Variants in SDK1 observed in about 807,000 individuals in gnomAD.
SDK1 encodes the protein protein sidekick-1.
In SDK1, 157 loss-of-function variants were observed where a neutral mutation model predicts 245.5. The observed-to-expected ratio is 0.64, with a 90% CI of 0.56 to 0.73. The LOEUF is 0.73. Ranked by LOEUF, SDK1 falls within the 30% of genes least tolerant of loss-of-function variation. The probability of loss-of-function intolerance (pLI) is 0.00; values close to 1 mark genes in which losing one functional copy is unlikely to be tolerated. For synonymous variants in SDK1, 1,647 were observed against 1,278.5 expected (o/e 1.29, Z -6.15); for missense variants, 3,583 against 3,002.3 (o/e 1.19, Z -4.52).
intron 1 of SDK1, among the ~76,000 whole-genome samples, chr7:3,403,945 A>G (rs1778981954): frequency 6.8e-6 from 1 of 146,504 alleles, no homozygotes; most frequent in Non-Finnish European, 1.5e-5. Flanking sequence ...ATTGCAGGTT[A>G]GGGTCCAGAC....
At chr7:4,254,406 A>G (rs1189429012) in intron 44 of SDK1, among the ~76,000 whole-genome samples, 2 of 152,202 alleles carry the variant, frequency 1.3e-5, no homozygotes, top group Admixed American at 6.5e-5. Context: ...TATTGAGCCT[A>G]TCTAATGAAT....
intron 1 of SDK1, among the ~76,000 whole-genome samples, chr7:3,425,075 G>A (rs1266298134): frequency 6.7e-6 from 1 of 150,206 alleles, no homozygotes; most frequent in South Asian, 2.1e-4. Context: ...AAATCTTGAG[G>A]CCTATGTTTT....
At chr7:4,065,716 T>TGG (rs1562755620) in intron 19 of SDK1, among the ~76,000 whole-genome samples, 14 of 105,800 alleles carry the variant, frequency 1.3e-4, no homozygotes, top group African/African-American at 7.5e-4. Flanking sequence ...TTTTTTTTTT[T>TGG]TTTTTTTTTT....
intron 1 of SDK1, among the ~76,000 whole-genome samples, chr7:3,367,501 G>A (rs1225266820): frequency 1.3e-5 from 2 of 152,134 alleles, no homozygotes; most frequent in East Asian, 3.8e-4. Flanking sequence ...GCCATTCCCG[G>A]CATTTCATCT....
chr7:3,336,723 C>T (rs1320722171), intron 1 of SDK1, among the ~76,000 whole-genome samples: 1 of 152,074 alleles, frequency 6.6e-6, no homozygotes, highest in East Asian at 1.9e-4. Context: ...GGTAGCTTGG[C>T]CCAGAGGGTA....
At chr7:3,563,871 T>C (rs1213490909) in intron 1 of SDK1, among the ~76,000 whole-genome samples, 6 of 151,944 alleles carry the variant, frequency 3.9e-5, no homozygotes, top group South Asian at 2.1e-4. Flanking sequence ...TGCAATAAAA[T>C]AAGAAATTAC....
At chr7:4,120,942 A>C (rs1162587463) in intron 25 of SDK1, among the ~76,000 whole-genome samples, 6 of 151,676 alleles carry the variant, frequency 4.0e-5, no homozygotes, top group East Asian at 1.9e-4. Context: ...AAAAAAAAAA[A>C]AAGAAAGAAA....
chr7:3,480,074 A>G (rs1174713345), intron 1 of SDK1, among the ~76,000 whole-genome samples: 1 of 152,192 alleles, frequency 6.6e-6, no homozygotes, highest in Non-Finnish European at 1.5e-5. Flanking sequence ...GCAAAGGGGA[A>G]TTAAGATAGC....
At chr7:3,611,138 A>G (rs963669339) in intron 1 of SDK1, among the ~76,000 whole-genome samples, 6 of 152,130 alleles carry the variant, frequency 3.9e-5, no homozygotes, top group Non-Finnish European at 8.8e-5. Flanking sequence ...TTGGGTGGGT[A>G]ATTTATTTAT....
At chr7:4,094,228 A>T (rs1408862897) in intron 22 of SDK1, among the ~76,000 whole-genome samples, 2 of 151,976 alleles carry the variant, frequency 1.3e-5, no homozygotes, top group Non-Finnish European at 2.9e-5. Flanking sequence ...CACCCAGCTA[A>T]TTTTTGTATT....
rs1780679254 is a variant in SDK1 at position 3,861,046 on chromosome 7, T to C, written c.847+39463T>C. ...ATTTTGTGCCTCAGCCACTTCCTTT[T>C]AGGCCGACACGATTATAATGATGAA... On this transcript the variant is annotated intron_variant, in intron 5 of 44. Transcript: ENST00000404826. Among the ~76,000 whole-genome samples the C allele has an allele frequency of 2.6e-5, 4 of 152,190 alleles. No individual in the cohort carries two copies. The South Asian group carries it at 8.3e-4, about 31-fold the overall frequency.
chr7:4,124,218 G>T (rs148118802), intron 25 of SDK1, among the ~76,000 whole-genome samples: 18 of 152,216 alleles, frequency 1.2e-4, no homozygotes, highest in Non-Finnish European at 2.1e-4. Flanking sequence ...GACTGTGTTC[G>T]TGTCATAGCA....
chr7:4,202,085 C>T (rs960167364), intron 35 of SDK1, among the ~76,000 whole-genome samples: 1 of 152,206 alleles, frequency 6.6e-6, no homozygotes, highest in Admixed American at 6.5e-5. Context: ...GCCAGATGTT[C>T]TACTTTCCAG....
Position 3,301,679 on chromosome 7 carries a change from C to T in SDK1, c.93C>T (p.Ser31=). The T allele has an allele frequency of 2.1e-6, 2 of 974,378 alleles. No homozygotes were observed. Among genetic ancestry groups the T allele is most frequent in the Non-Finnish European group, 2.4e-6 (2 of 824,292 alleles). The allele number at this position is 974,378 out of a possible 1,614,324, so 60.4% of individuals were successfully genotyped here. A position where few individuals can be genotyped will look rare whatever the true frequency, so the allele number is the denominator to read the frequency against. ...ERAGPGRPRG[S]PPGRARPSLA... ...CGGGCCCCGGGCGGCCGCGGGGATC[C>T]CCGCCCGGCCGCGCCCGCCCCTCGC... is the stretch of plus-strand genomic sequence containing the variant. The change falls in exon 1 of 45, where the codon TCC becomes TCT. Residue 31 remains serine (S), a synonymous_variant. Transcript: ENST00000404826.
intron 12 of SDK1, among the ~76,000 whole-genome samples, chr7:3,972,424 C>T (rs548870152): frequency 2.0e-5 from 3 of 152,174 alleles, no homozygotes; most frequent in African/African-American, 4.8e-5. Context: ...TGTTTAAATT[C>T]GGGCCAGGAA....
At chr7:3,376,208 A>G (rs1264623843) in intron 1 of SDK1, among the ~76,000 whole-genome samples, 1 of 152,324 alleles carries the variant, frequency 6.6e-6, no homozygotes, top group South Asian at 2.1e-4. Context: ...GGGGAAAAAA[A>G]GAAAATCTCA....
intron 5 of SDK1, among the ~76,000 whole-genome samples, chr7:3,904,196 A>G (rs758613268): frequency 7.9e-5 from 12 of 152,246 alleles, no homozygotes; most frequent in African/African-American, 1.7e-4. Context: ...AAAGACCCAC[A>G]TACTGCATGA....
At position 4,130,020 on chromosome 7, in the gene SDK1, T is replaced by C. The variant is rs1273458908; in HGVS notation, c.4052T>C (p.Leu1351Pro). 1 of 1,613,398 alleles carries C rather than the reference T, an allele frequency of 6.2e-7. No individual in the cohort carries two copies. The highest frequency in any genetic ancestry group is 8.5e-7 in the Non-Finnish European group (1 of 1,179,894). The change falls in exon 27 of 45, where the codon CTC becomes CCC. Residue 1351 changes from leucine (L) to proline (P), a missense_variant. Physicochemically the swap from Leu to Pro is moderately conservative, Grantham distance 98 (BLOSUM62 -3). Transcript: ENST00000404826. ...AGLRKFVLYE[L>P]QVLAFTRIGN... The stretch of plus-strand genomic sequence containing the variant: ...CTGCGCAAGTTCGTGCTCTACGAGC[T>C]CCAGGTGCTGGCGTTCACCCGCATC...
chr7:3,423,099 A>G (rs1191707287), intron 1 of SDK1, among the ~76,000 whole-genome samples: 1 of 152,220 alleles, frequency 6.6e-6, no homozygotes, highest in Non-Finnish European at 1.5e-5. Context: ...CCTAATCAAG[A>G]AGGAGTTGCA....
Sources: gnomAD v4.1 joint callset for allele counts (sites outside exome capture counted in the v4.1 genomes callset) on GRCh38, gnomAD v4.1.1 for gene constraint, MANE v1.5 for transcripts, NCBI Gene and HGNC (gene_info 2026-07-23, HGNC 2026-07-21) for gene names.